The following DLGAP4 variants were observed in gnomAD, a reference collection of about 807,000 sequenced individuals.
The protein encoded by DLGAP4 is disks large-associated protein 4.
DLGAP4 carries 18 observed loss-of-function variants against 86.9 expected under a neutral mutation model. The observed-to-expected ratio is 0.21, with a 90% confidence interval of 0.14 to 0.31. The LOEUF (loss-of-function observed/expected upper bound fraction) is 0.31. DLGAP4 is among the 10% of genes least tolerant of loss of function. The probability of loss-of-function intolerance (pLI) is 1.00; values close to 1 mark genes in which losing one functional copy is unlikely to be tolerated. For missense variants in DLGAP4, 1,085 were observed against 1,362.6 expected, an observed-to-expected ratio of 0.80 and a Z score of 3.21; for synonymous variants, 548 against 574.3, an observed-to-expected ratio of 0.95 and a Z score of 0.65.
chr20:36,483,335 C>T (rs2035269795), intron 7 of DLGAP4, among the ~76,000 whole-genome samples: 1 of 152,158 alleles, frequency 6.6e-6, no homozygotes, highest in South Asian at 2.1e-4. Context: ...CAGAGCTCAG[C>T]TACGGGAGGA....
intron 7 of DLGAP4, among the ~76,000 whole-genome samples, chr20:36,486,854 C>T (rs768009300): frequency 2.2e-4 from 33 of 151,562 alleles, no homozygotes; most frequent in Non-Finnish European, 4.0e-4. Flanking sequence ...TCAGGTGATC[C>T]GCCCGCGTCA....
Position 36,528,627 on chromosome 20 carries a change from A to G in DLGAP4, c.*1596A>G, listed in dbSNP as rs1436233840. The G allele has an allele frequency of 6.5e-6, 1 of 152,694 alleles. No homozygotes were observed. Among genetic ancestry groups the G allele is most frequent in the East Asian group, 1.9e-4 (1 of 5,196 alleles). 9.5% of individuals were successfully genotyped at this position (152,694 alleles called of 1,614,324 possible). A position where few individuals can be genotyped will look rare whatever the true frequency, so the allele number is the denominator to read the frequency against. ...GCATGTTGTGAGAATAAATGAGGTA[A>G]CGTGTACCAAGGGCTTGTGGCATTA... On this transcript the variant is annotated 3_prime_UTR_variant, in exon 13 of 13. Coordinates refer to ENST00000339266, the MANE Select transcript of DLGAP4 (RefSeq NM_001365621.2).
chr20:36,333,889 T>G (rs555663493), intron 1 of DLGAP4, among the ~76,000 whole-genome samples: 1 of 152,296 alleles, frequency 6.6e-6, no homozygotes, highest in South Asian at 2.1e-4. Flanking sequence ...AGGCAGAACT[T>G]GGGAAACTCA....
rs1428823967 is a variant in DLGAP4 at position 36,350,689 on chromosome 20, G to A, written c.-303-16356G>A. On this transcript the variant is annotated intron_variant, in intron 1 of 12. Coordinates refer to ENST00000339266, the MANE Select transcript of DLGAP4 (RefSeq NM_001365621.2). This position sits in a 1 kb window ranked among gnomAD's most constrained non-coding sequence, Gnocchi z 4.4. ...TCAGCCCAGGCCTCTGCACACAGTA[G>A]GTGATCACAAAGTGCTTCTCACAGC... Among the ~76,000 whole-genome samples, 1 of 152,246 alleles carries A rather than the reference G, an allele frequency of 6.6e-6. No individual in the cohort carries two copies. The highest frequency in any genetic ancestry group is 1.5e-5 in the Non-Finnish European group (1 of 68,052).
At chr20:36,521,929 C>A (rs533406156) in intron 10 of DLGAP4, among the ~76,000 whole-genome samples, 1 of 152,250 alleles carries the variant, frequency 6.6e-6, no homozygotes, top group South Asian at 2.1e-4. Context: ...GAGGTGAATT[C>A]TTTCTTGATG....
chr20:36,415,634 G>A (rs2032631719), intron 2 of DLGAP4, among the ~76,000 whole-genome samples: 1 of 152,218 alleles, frequency 6.6e-6, no homozygotes, highest in Non-Finnish European at 1.5e-5. Flanking sequence ...GGGGCTCAGG[G>A]AGGTTAGGTA....
chr20:36,378,544 G>T (rs538358929), intron 2 of DLGAP4, among the ~76,000 whole-genome samples: 3 of 152,274 alleles, frequency 2.0e-5, no homozygotes, highest in African/African-American at 4.8e-5. Context: ...TGGCAGAAAT[G>T]CAAGAGTAAG....
At chr20:36,410,629 G>T (rs2032472260) in intron 2 of DLGAP4, among the ~76,000 whole-genome samples, 1 of 152,138 alleles carries the variant, frequency 6.6e-6, no homozygotes, top group African/African-American at 2.4e-5. Flanking sequence ...GTGTCATATG[G>T]CAAGAGAGGG....
At chr20:36,429,713 T>C (rs2033079067) in intron 2 of DLGAP4, among the ~76,000 whole-genome samples, 1 of 152,150 alleles carries the variant, frequency 6.6e-6, no homozygotes, top group Non-Finnish European at 1.5e-5. Context: ...AGCCCATGCC[T>C]CTTTCTTATA....
At chr20:36,323,029 G>C (rs1413333275) in intron 1 of DLGAP4, among the ~76,000 whole-genome samples, 1 of 151,690 alleles carries the variant, frequency 6.6e-6, no homozygotes, top group East Asian at 1.9e-4. Context: ...ACAAACACTA[G>C]CTGGGCATGG....
chr20:36,471,381 C>G (rs796752852), intron 7 of DLGAP4, among the ~76,000 whole-genome samples: 84 of 152,242 alleles, frequency 5.5e-4, no homozygotes, highest in African/African-American at 1.9e-3. Context: ...GTAGTCCCAG[C>G]TACTCAGGAG....
chr20:36,315,962 G>T (rs2065095360), intron 1 of DLGAP4, among the ~76,000 whole-genome samples: 1 of 152,192 alleles, frequency 6.6e-6, no homozygotes, highest in Admixed American at 6.5e-5. Flanking sequence ...TGGCCCACCA[G>T]CCCTGTGGCT....
At chr20:36,511,437 C>T (rs945115875) in intron 10 of DLGAP4, among the ~76,000 whole-genome samples, 1 of 152,088 alleles carries the variant, frequency 6.6e-6, no homozygotes, top group African/African-American at 2.4e-5. Context: ...CTCCTGGGCT[C>T]AAGCAGTCCT....
chr20:36,333,293 G>A (rs2065288893), intron 1 of DLGAP4, among the ~76,000 whole-genome samples: 1 of 152,112 alleles, frequency 6.6e-6, no homozygotes, highest in Non-Finnish European at 1.5e-5. Context: ...CTATTGGTGT[G>A]TGCTTGACAT....
At chr20:36,467,945 AC>A (rs1377016594) in intron 7 of DLGAP4, among the ~76,000 whole-genome samples, 2 of 152,208 alleles carry the variant, frequency 1.3e-5, no homozygotes, top group East Asian at 3.9e-4. Flanking sequence ...CTGTCTCCAA[AC>A]CGTGTCTCTT....
chr20:36,458,344 CT>C (rs1173496431), intron 7 of DLGAP4, among the ~76,000 whole-genome samples: 2,935 of 91,460 alleles, frequency 0.032, 81 homozygotes, highest in African/African-American at 0.13. Context: ...AACCCCATAT[CT>C]TTTTTTTTTT....
chr20:36,464,884 T>G (rs891619558), intron 7 of DLGAP4, among the ~76,000 whole-genome samples: 1 of 150,186 alleles, frequency 6.7e-6, no homozygotes, highest in African/African-American at 2.4e-5. Context: ...TTCCAGAGAG[T>G]AGAAACTCTG....
intron 7 of DLGAP4, among the ~76,000 whole-genome samples, chr20:36,453,160 G>A (rs1316067524): frequency 6.6e-6 from 1 of 152,156 alleles, no homozygotes; most frequent in Non-Finnish European, 1.5e-5. Flanking sequence ...CTTAACAAAT[G>A]CAGCCAAAAG....
chr20:36,309,486 C>A (rs1251477750), intron 1 of DLGAP4, among the ~76,000 whole-genome samples: 1 of 152,206 alleles, frequency 6.6e-6, no homozygotes, highest in Non-Finnish European at 1.5e-5. Flanking sequence ...CATGACTGTC[C>A]ATGTGCGTTC....
Sources: allele counts gnomAD v4.1 joint callset (sites outside exome capture counted in the v4.1 genomes callset), GRCh38; gene constraint gnomAD v4.1.1; non-coding constraint Gnocchi (gnomAD v3.1); transcripts MANE v1.5; gene names NCBI Gene and HGNC (gene_info 2026-07-23, HGNC 2026-07-21).